RIPOR2: variants seen among roughly 807,000 people sequenced by gnomAD.
RIPOR2 encodes rho family-interacting cell polarization regulator 2.
In RIPOR2, 39 loss-of-function variants were observed where a neutral mutation model predicts 114.5. That is an observed-to-expected ratio of 0.34 (90% CI 0.26 to 0.44). The LOEUF is 0.44. RIPOR2 is among the 20% of genes least tolerant of loss of function. The pLI is 1.00. For synonymous variants in RIPOR2, 445 were observed against 484.4 expected, an observed-to-expected ratio of 0.92 and a Z score of 1.07; for missense variants, 1,007 against 1,255.1, an observed-to-expected ratio of 0.80 and a Z score of 2.99.
intron 10 of RIPOR2, among the ~76,000 whole-genome samples, chr6:24,850,336 C>T (rs1389753935): frequency 6.6e-6 from 1 of 152,180 alleles, no homozygotes; most frequent in Non-Finnish European, 1.5e-5. Context: ...CTCAAGTGAT[C>T]CACCCACCTC....
chr6:24,809,785 A>G lies in RIPOR2; in HGVS notation c.2975T>C (p.Leu992Pro), dbSNP rs1462027990. 1 of 1,550,414 alleles carries G rather than the reference A, an allele frequency of 6.4e-7. No individual in the cohort carries two copies. The highest frequency in any genetic ancestry group is 8.7e-7 in the Non-Finnish European group (1 of 1,145,922). The change falls in exon 21 of 22, where the codon CTG (leucine) becomes CCG (proline). Residue 992 changes from leucine to proline, a missense_variant. Physicochemically the swap from Leu to Pro is moderately conservative, Grantham distance 98. Transcript: ENST00000643898. The stretch of plus-strand genomic sequence containing the variant: ...AGTATCAGATTGACACAATGTCACC[A>G]GCATTTTAATGCTTTCAGTAGCCTA... ...ILEATESIKMLVTLCQSDTEE... is the reference protein window; with the variant it reads ...ILEATESIKMPVTLCQSDTEE...
intron 1 of RIPOR2, among the ~76,000 whole-genome samples, chr6:25,014,450 G>A (rs1775888501): frequency 1.3e-5 from 2 of 152,046 alleles, no homozygotes; most frequent in Admixed American, 6.5e-5. Context: ...CTACCTTATC[G>A]AAATAATGAG....
At chr6:25,013,355 C>T (rs1387264615) in intron 1 of RIPOR2, among the ~76,000 whole-genome samples, 1 of 152,102 alleles carries the variant, frequency 6.6e-6, no homozygotes, top group Non-Finnish European at 1.5e-5. Flanking sequence ...GTAAGTCAAG[C>T]ATCTGCAACT....
chr6:24,973,980 A>G (rs1773915544), intron 1 of RIPOR2, among the ~76,000 whole-genome samples: 1 of 152,180 alleles, frequency 6.6e-6, no homozygotes, highest in Admixed American at 6.5e-5. Flanking sequence ...GGGTTGAAAA[A>G]GTAACTACTG....
intron 1 of RIPOR2, among the ~76,000 whole-genome samples, chr6:24,983,207 CACACACACACAT>C (rs1774376158): frequency 6.6e-6 from 1 of 151,486 alleles, no homozygotes; most frequent in Admixed American, 6.6e-5. Context: ...CACACACACA[CACACACACACAT>C]ACATATATAC....
At chr6:24,918,896 C>CTA (rs1412276969) in intron 1 of RIPOR2, among the ~76,000 whole-genome samples, 1 of 152,182 alleles carries the variant, frequency 6.6e-6, no homozygotes, top group Non-Finnish European at 1.5e-5. Context: ...AACCTGGAAA[C>CTA]CATTAGATAC....
chr6:24,840,896 C>A, intron 13 of RIPOR2: 1 of 933,370 alleles, frequency 1.1e-6, no homozygotes. Context: ...TTTCAGCAGT[C>A]TCAGGGGGAG....
intron 21 of RIPOR2, among the ~76,000 whole-genome samples, chr6:24,809,277 C>T (rs4360127): frequency 0.75 from 113,450 of 152,148 alleles, 44,461 homozygotes; most frequent in East Asian, 0.88. Flanking sequence ...CAGAGGTTAA[C>T]CTGGGAGTCA....
intron 1 of RIPOR2, among the ~76,000 whole-genome samples, chr6:25,013,273 AT>A (rs1009020777): frequency 3.3e-4 from 49 of 150,460 alleles, no homozygotes; most frequent in Middle Eastern, 3.4e-3. Context: ...AAGGTCAGTG[AT>A]TTTTTTTTTC....
chr6:24,846,711 C>T (rs1380617937), intron 12 of RIPOR2, among the ~76,000 whole-genome samples: 1 of 152,126 alleles, frequency 6.6e-6, no homozygotes, highest in Non-Finnish European at 1.5e-5. Flanking sequence ...TCGTTTTATA[C>T]ATCTGTGAAG....
In RIPOR2 at chr6:24,809,740, G is replaced by C; in HGVS notation, c.3020C>G (p.Ala1007Gly). ...QSDTEEIRNV[A>G]SETLLSLGED... is the part of the protein sequence containing the mutation. ...ACCCAGAGACAAGAGGGTTTCTGAG[G>C]CCACATTTCTGATTTCTTCAGTATC... The change falls in exon 21 of 22, where the codon GCC (alanine) becomes GGC (glycine). Residue 1007 changes from alanine to glycine, a missense_variant. Ala to Gly is a moderately conservative substitution (Grantham distance 60, BLOSUM62 0). Coordinates refer to ENST00000643898, the MANE Select transcript of RIPOR2 (RefSeq NM_001286445.3). 6.5e-7 allele frequency: 1 copy of C among 1,549,880 alleles called. No individual in the cohort carries two copies. Among genetic ancestry groups the C allele is most frequent in the Non-Finnish European group, 8.7e-7 (1 of 1,145,346 alleles).
intron 1 of RIPOR2, among the ~76,000 whole-genome samples, chr6:24,958,731 T>A (rs1042699860): frequency 1.3e-5 from 2 of 152,162 alleles, no homozygotes; most frequent in African/African-American, 4.8e-5. Flanking sequence ...TTTCTAGGAC[T>A]GTTGTAACAA....
intron 9 of RIPOR2, 61 bp downstream of exon 9, chr6:24,852,514 G>T: frequency 8.2e-7 from 1 of 1,218,912 alleles, no homozygotes; most frequent in South Asian, 1.3e-5. Context: ...ATAATGACAT[G>T]ACAACTGGCC....
At position 24,843,238 on chromosome 6, in the gene RIPOR2, G is replaced by T. The variant is rs201683408; in HGVS notation, c.1481C>A (p.Pro494Gln). ...PEEPRKPASAPSEACRRQSSG... is the reference protein window; with the variant it reads ...PEEPRKPASAQSEACRRQSSG... ...GGACTGTCGGCGGCAAGCCTCAGATGGGGCCGAGGCAGGTTTTCTGGGCTC... is the reference window on the plus strand; with the variant it reads ...GGACTGTCGGCGGCAAGCCTCAGATTGGGCCGAGGCAGGTTTTCTGGGCTC... Residue 494 changes from proline (P) to glutamine (Q), a missense_variant, in exon 13 of 22, where the codon CCA becomes CAA. Coordinates refer to ENST00000643898, the MANE Select transcript of RIPOR2 (RefSeq NM_001286445.3). 127 of 1,614,020 alleles carry T rather than the reference G, an allele frequency of 7.9e-5. 1 individual carries two copies. In the Middle Eastern group the frequency reaches 2.0e-3, roughly 25 times the overall value.
chr6:24,879,981 C>A lies in RIPOR2; in HGVS notation c.62-4164G>T, dbSNP rs536340131. 3.0e-4 allele frequency among the ~76,000 whole-genome samples: 46 copies of A among 152,278 alleles called. 1 individual carries two copies. In the South Asian group the frequency reaches 8.9e-3, roughly 29 times the overall value. ...TTTTAATAGCAGGTGCTCCATTGAA[C>A]CAAAAGCCTTAACCTAAAGAAAGGA... On this transcript the variant is annotated intron_variant, in intron 1 of 21. Coordinates refer to ENST00000643898, the MANE Select transcript of RIPOR2 (RefSeq NM_001286445.3).
At chr6:24,885,912 AT>A (rs933207205) in intron 1 of RIPOR2, among the ~76,000 whole-genome samples, 3 of 152,192 alleles carry the variant, frequency 2.0e-5, no homozygotes, top group Non-Finnish European at 4.4e-5. Context: ...GAAGATAGCA[AT>A]TTTTAGGTAA....
intron 1 of RIPOR2, among the ~76,000 whole-genome samples, chr6:25,002,763 T>C (rs544590901): frequency 6.6e-6 from 1 of 152,284 alleles, no homozygotes; most frequent in South Asian, 2.1e-4. Context: ...AAATACCACA[T>C]GTAGAAGTGA....
At chr6:24,988,568 T>C (rs1408972446) in intron 1 of RIPOR2, among the ~76,000 whole-genome samples, 1 of 152,228 alleles carries the variant, frequency 6.6e-6, no homozygotes, top group East Asian at 1.9e-4. Flanking sequence ...TTCAAATAAA[T>C]ATCTTATAAA....
chr6:25,038,646 T>C (rs1777350923), intron 1 of RIPOR2, among the ~76,000 whole-genome samples: 1 of 152,122 alleles, frequency 6.6e-6, no homozygotes, highest in South Asian at 2.1e-4. Context: ...CCCACAACCA[T>C]TGAGCTTGGA....
Sources: gnomAD v4.1 joint callset for allele counts (sites outside exome capture counted in the v4.1 genomes callset) on GRCh38, gnomAD v4.1.1 for gene constraint, MANE v1.5 for transcripts, NCBI Gene and HGNC (gene_info 2026-07-23, HGNC 2026-07-21) for gene names.